Variants in SORBS2 observed in about 807,000 individuals in gnomAD.
The protein encoded by SORBS2 is sorbin and SH3 domain containing 2, also known as sorbin and SH3 domain-containing protein 2.
SORBS2 carries 46 observed loss-of-function variants against 97.7 expected under a neutral mutation model. The ratio of observed to expected loss-of-function variants is 0.47; its 90% CI spans 0.37 to 0.60. SORBS2 has a LOEUF of 0.60. SORBS2 is among the 20% of genes least tolerant of loss of function. The probability of loss-of-function intolerance (pLI) is 0.00; values close to 1 mark genes in which losing one functional copy is unlikely to be tolerated. For synonymous variants in SORBS2, 476 were observed against 473.4 expected (o/e 1.01, Z -0.07); for missense variants, 1,316 against 1,282.3 (o/e 1.03, Z -0.40).
At chr4:185,588,606 C>CCTCCCTCCTCCTCCTCCCTCCT (rs1561252589) in intron 14 of SORBS2, among the ~76,000 whole-genome samples, 1 of 150,808 alleles carries the variant, frequency 6.6e-6, no homozygotes, top group Non-Finnish European at 1.5e-5. Flanking sequence ...TCCTCCTCCT[C>CCTCCCTCCTCCTCCTCCCTCCT]CCTCCTCCTC....
At chr4:185,763,801 T>G (rs1463488980) in intron 2 of SORBS2, among the ~76,000 whole-genome samples, 1 of 152,194 alleles carries the variant, frequency 6.6e-6, no homozygotes, top group African/African-American at 2.4e-5. Flanking sequence ...TAAAGAAAAA[T>G]TATTCAATAT....
At chr4:185,917,642 T>C (rs1191719840) in intron 1 of SORBS2, among the ~76,000 whole-genome samples, 1 of 152,166 alleles carries the variant, frequency 6.6e-6, no homozygotes, top group Non-Finnish European at 1.5e-5. Context: ...AGCCAGCCGG[T>C]CAGAAGCACA....
At chr4:185,924,230 A>G (rs1192563834) in intron 1 of SORBS2, among the ~76,000 whole-genome samples, 1 of 152,212 alleles carries the variant, frequency 6.6e-6, no homozygotes, top group Non-Finnish European at 1.5e-5. Flanking sequence ...TTACAAGAAA[A>G]GACGAGTAGT....
At chr4:185,925,723 G>T (rs2099263284) in intron 1 of SORBS2, among the ~76,000 whole-genome samples, 1 of 152,134 alleles carries the variant, frequency 6.6e-6, no homozygotes, top group Admixed American at 6.5e-5. Context: ...GGCTGGAGAA[G>T]AAAGCACACA....
chr4:185,780,041 G>GT (rs2099020311), intron 1 of SORBS2, among the ~76,000 whole-genome samples: 1 of 132,950 alleles, frequency 7.5e-6, no homozygotes, highest in African/African-American at 3.0e-5. Flanking sequence ...TTGAGACGGA[G>GT]TTTTGCTCTT....
intron 1 of SORBS2, among the ~76,000 whole-genome samples, chr4:185,816,509 G>A (rs1285400584): frequency 1.3e-5 from 2 of 152,160 alleles, no homozygotes; most frequent in African/African-American, 4.8e-5. Flanking sequence ...TGTCAAAATA[G>A]GACATTGATG....
At chr4:185,893,986 GGTCT>G (rs1196542108) in intron 1 of SORBS2, among the ~76,000 whole-genome samples, 1 of 152,066 alleles carries the variant, frequency 6.6e-6, no homozygotes, top group East Asian at 1.9e-4. Flanking sequence ...CTGTCTGCAT[GGTCT>G]GTCTACCTCC....
intron 2 of SORBS2, among the ~76,000 whole-genome samples, chr4:185,763,876 T>A (rs1375294580): frequency 6.6e-6 from 1 of 152,186 alleles, no homozygotes; most frequent in Non-Finnish European, 1.5e-5. Context: ...TTTAGCATAA[T>A]TGGAATGAGT....
At chr4:185,836,523 C>A (rs1369952909) in intron 1 of SORBS2, among the ~76,000 whole-genome samples, 1 of 152,224 alleles carries the variant, frequency 6.6e-6, no homozygotes, top group Non-Finnish European at 1.5e-5. Context: ...ATAATGTACA[C>A]ACCACCAAGT....
In SORBS2 at chr4:185,684,423, T is replaced by C. The variant is rs2097917748; in HGVS notation, c.-197-5601A>G. Among the ~76,000 whole-genome samples, 1 of 152,130 alleles carries C rather than the reference T, an allele frequency of 6.6e-6. No individual in the cohort carries two copies. Among genetic ancestry groups the C allele is most frequent in the Admixed American group, 6.5e-5 (1 of 15,278 alleles). ...TGACAAAGAATCCAGTTAATGAAGA[T>C]TCAGTTTCCTACAAATCCCTTTTTT... On this transcript the variant is annotated intron_variant, in intron 2 of 20. Transcript: ENST00000284776. This position sits in a 1 kb window ranked among gnomAD's most constrained non-coding sequence, Gnocchi z 4.2.
At chr4:185,595,885 A>T (rs1455679351) in intron 12 of SORBS2, among the ~76,000 whole-genome samples, 1 of 152,106 alleles carries the variant, frequency 6.6e-6, no homozygotes, top group Non-Finnish European at 1.5e-5. Flanking sequence ...CTGGCCAAAG[A>T]GTATGCATTA....
intron 1 of SORBS2, among the ~76,000 whole-genome samples, chr4:185,945,308 A>C (rs1240989651): frequency 6.6e-6 from 1 of 152,246 alleles, no homozygotes; most frequent in African/African-American, 2.4e-5. Context: ...ATGTTGAATA[A>C]ATGAAGAAAC....
At chr4:185,926,806 T>A (rs1271143333) in intron 1 of SORBS2, among the ~76,000 whole-genome samples, 1 of 152,088 alleles carries the variant, frequency 6.6e-6, no homozygotes, top group Non-Finnish European at 1.5e-5. Context: ...GTGACTTTCA[T>A]CATCACTTTA....
chr4:185,847,600 G>A (rs2099215332), intron 1 of SORBS2, among the ~76,000 whole-genome samples: 1 of 152,114 alleles, frequency 6.6e-6, no homozygotes, highest in Non-Finnish European at 1.5e-5. Flanking sequence ...GCGACATATG[G>A]CATGTGTGAA....
chr4:185,746,757 A>T lies in SORBS2; in HGVS notation c.-198+28470T>A, dbSNP rs115214402. Among the ~76,000 whole-genome samples the T allele has an allele frequency of 5.0e-3, 754 of 152,288 alleles. 6 individuals are homozygous for T. Among genetic ancestry groups the T allele is most frequent in the African/African-American group, 0.017 (715 of 41,548 alleles). ...CAAAATACTCTTGTGTGAGGCTTAGACTCTGTAAGAATCTACCACTTTATG... is the reference window on the plus strand; with the variant it reads ...CAAAATACTCTTGTGTGAGGCTTAGTCTCTGTAAGAATCTACCACTTTATG... On this transcript the variant is annotated intron_variant, in intron 2 of 20. Transcript: ENST00000284776.
chr4:185,897,811 C>T (rs1297417754), intron 1 of SORBS2, among the ~76,000 whole-genome samples: 2 of 151,990 alleles, frequency 1.3e-5, no homozygotes, highest in Non-Finnish European at 2.9e-5. Context: ...CCGAGGCAGG[C>T]AGATTACCTG....
At chr4:185,764,350 A>G (rs777156519) in intron 2 of SORBS2, among the ~76,000 whole-genome samples, 9 of 152,250 alleles carry the variant, frequency 5.9e-5, no homozygotes, top group Non-Finnish European at 8.8e-5. Flanking sequence ...ATAAATTTTC[A>G]TAAAACATAA....
chr4:185,779,523 C>T (rs2099017013), intron 1 of SORBS2, among the ~76,000 whole-genome samples: 1 of 152,142 alleles, frequency 6.6e-6, no homozygotes, highest in African/African-American at 2.4e-5. Context: ...AGTTTTTGAA[C>T]ACATATATTT....
At chr4:185,865,742 C>G (rs960053543) in intron 1 of SORBS2, among the ~76,000 whole-genome samples, 1 of 152,190 alleles carries the variant, frequency 6.6e-6, no homozygotes, top group African/African-American at 2.4e-5. Flanking sequence ...ACCTCTGGTT[C>G]TGGTCTCAGA....
Sources: allele counts gnomAD v4.1 joint callset (sites outside exome capture counted in the v4.1 genomes callset), GRCh38; gene constraint gnomAD v4.1.1; non-coding constraint Gnocchi (gnomAD v3.1); transcripts MANE v1.5; gene names NCBI Gene and HGNC (gene_info 2026-07-23, HGNC 2026-07-21).